PEX7: variants seen among roughly 807,000 people sequenced by gnomAD.
The protein encoded by PEX7 is peroxisomal biogenesis factor 7.
A neutral mutation model predicts 47.5 loss-of-function variants in PEX7; 34 were observed. That is an observed-to-expected ratio of 0.72 (90% confidence interval 0.54 to 0.95). The LOEUF (loss-of-function observed/expected upper bound fraction) is 0.95. Among genes scored for constraint, PEX7 ranks in the 40% least tolerant of loss-of-function variants. The pLI, the probability that PEX7 is intolerant of heterozygous loss-of-function variation, is 0.00. For missense variants in PEX7, 394 were observed against 400.3 expected (o/e 0.98, Z 0.13); for synonymous variants, 141 against 148.8 (o/e 0.95, Z 0.38).
chr6:136,828,522 C>G (rs1330774232), intron 3 of PEX7, among the ~76,000 whole-genome samples: 4 of 152,226 alleles, frequency 2.6e-5, no homozygotes, highest in Admixed American at 2.6e-4. Flanking sequence ...AAGACCAGGT[C>G]CAGCCCCTCT....
intron 6 of PEX7, among the ~76,000 whole-genome samples, chr6:136,868,930 A>G (rs1192601258): frequency 6.6e-6 from 1 of 152,196 alleles, no homozygotes; most frequent in Non-Finnish European, 1.5e-5. Context: ...TAGATATCGT[A>G]TTAAGAATTT....
intron 3 of PEX7, among the ~76,000 whole-genome samples, chr6:136,838,589 A>G (rs551480472): frequency 1.3e-5 from 2 of 152,328 alleles, no homozygotes; most frequent in Admixed American, 1.3e-4. Context: ...AAATATGAAT[A>G]AGGACTGAGT....
At chr6:136,829,975 T>TA (rs1774264445) in intron 3 of PEX7, 1 of 700,234 alleles carries the variant, frequency 1.4e-6, no homozygotes, top group Non-Finnish European at 2.6e-6. Context: ...ATAATGAACA[T>TA]AGCCAATTTC....
rs771872489 is a variant in PEX7, at chr6:136,866,642, G to T, written c.542G>T (p.Arg181Ile). 4 of 1,614,002 alleles carry T rather than the reference G, an allele frequency of 2.5e-6. No homozygotes were observed. The Admixed American group carries it at 6.7e-5, about 27-fold the overall frequency. The change falls in exon 6 of 10, where the codon AGA becomes ATA. Residue 181 changes from arginine to isoleucine, a missense_variant. Arg to Ile is a moderately conservative substitution (Grantham distance 97). Transcript: ENST00000318471. ...FASASGDQTL[R>I]IWDVKAAGVR... Reference sequence around the variant, plus strand: ...TTTTTACTAGGTGATCAGACTCTGAGAATATGGGATGTGAAGGCAGCAGGA... The same window carrying T: ...TTTTTACTAGGTGATCAGACTCTGATAATATGGGATGTGAAGGCAGCAGGA...
At chr6:136,830,463 A>G (rs1774273713) in intron 3 of PEX7, among the ~76,000 whole-genome samples, 1 of 152,210 alleles carries the variant, frequency 6.6e-6, no homozygotes, top group Non-Finnish European at 1.5e-5. Context: ...AAAGAAAGAA[A>G]AACATGGACA....
At chr6:136,883,573 C>T (rs1775413413) in intron 8 of PEX7, among the ~76,000 whole-genome samples, 2 of 152,182 alleles carry the variant, frequency 1.3e-5, no homozygotes, top group Admixed American at 6.5e-5. Context: ...GAATCAGTCT[C>T]CTTCTCTTCC....
At chr6:136,824,458 C>T (rs1774152076) in intron 1 of PEX7, among the ~76,000 whole-genome samples, 2 of 152,110 alleles carry the variant, frequency 1.3e-5, no homozygotes, top group Non-Finnish European at 2.9e-5. Flanking sequence ...CTGCCTTGGC[C>T]TCCCAAAGTG....
chr6:136,848,910 A>G (rs1024469592), intron 5 of PEX7, among the ~76,000 whole-genome samples: 2 of 152,158 alleles, frequency 1.3e-5, no homozygotes, highest in African/African-American at 2.4e-5. Flanking sequence ...TGATTGGAAT[A>G]GTTTCAGAAG....
At chr6:136,861,327 C>A (rs1409752397) in intron 5 of PEX7, among the ~76,000 whole-genome samples, 3 of 152,120 alleles carry the variant, frequency 2.0e-5, no homozygotes, top group African/African-American at 7.2e-5. Context: ...AAACGACCTG[C>A]CTGCCTTGAC....
At chr6:136,852,848 G>A (rs1213697005) in intron 5 of PEX7, among the ~76,000 whole-genome samples, 5 of 84,902 alleles carry the variant, frequency 5.9e-5, no homozygotes, top group Admixed American at 4.3e-4. Context: ...AGCCCGCATC[G>A]CCAAGTCAAT....
At chr6:136,889,672 G>A (rs1436546277) in intron 8 of PEX7, among the ~76,000 whole-genome samples, 2 of 152,178 alleles carry the variant, frequency 1.3e-5, no homozygotes, top group South Asian at 4.1e-4. Context: ...TTTAAATGTA[G>A]ATACTGCTTT....
At chr6:136,885,583 A>G (rs1775455278) in intron 8 of PEX7, among the ~76,000 whole-genome samples, 1 of 152,200 alleles carries the variant, frequency 6.6e-6, no homozygotes, top group Non-Finnish European at 1.5e-5. Flanking sequence ...ATTCAGGCAT[A>G]TTTACAGAAT....
intron 8 of PEX7, among the ~76,000 whole-genome samples, chr6:136,874,791 T>A (rs1775241437): frequency 6.6e-6 from 1 of 152,124 alleles, no homozygotes; most frequent in South Asian, 2.1e-4. Context: ...TATCTAGTGG[T>A]ATGTTTATTT....
intron 5 of PEX7, among the ~76,000 whole-genome samples, chr6:136,852,320 CAGGAGAAGGA>C: frequency 6.8e-6 from 1 of 147,284 alleles, no homozygotes; most frequent in East Asian, 2.0e-4. Context: ...GGCAATCAGG[CAGGAGAAGGA>C]AATAAAGCGT....
At chr6:136,913,388 G>C (rs1392872713) in intron 9 of PEX7, 70 bp from the exon 10 acceptor site, 21 of 1,059,346 alleles carry the variant, frequency 2.0e-5, no homozygotes, top group Middle Eastern at 2.0e-4. Flanking sequence ...AATGACTTGA[G>C]TTTTTGCTGT....
At chr6:136,902,618 T>C (rs1775772085) in intron 9 of PEX7, among the ~76,000 whole-genome samples, 2 of 152,162 alleles carry the variant, frequency 1.3e-5, no homozygotes, top group African/African-American at 4.8e-5. Context: ...AGTTCTGACA[T>C]TTTATCTTTT....
At chr6:136,899,744 G>A (rs1053988081) in intron 9 of PEX7, among the ~76,000 whole-genome samples, 1 of 152,140 alleles carries the variant, frequency 6.6e-6, no homozygotes, top group Non-Finnish European at 1.5e-5. Flanking sequence ...GTATTAGAAT[G>A]TTCCCATTAA....
chr6:136,879,346 A>G (rs1186482622), intron 8 of PEX7, among the ~76,000 whole-genome samples: 1 of 152,188 alleles, frequency 6.6e-6, no homozygotes, highest in Non-Finnish European at 1.5e-5. Flanking sequence ...CATATGTTTA[A>G]AACTATTTTT....
At chr6:136,857,024 A>G (rs1774873283) in intron 5 of PEX7, among the ~76,000 whole-genome samples, 1 of 152,208 alleles carries the variant, frequency 6.6e-6, no homozygotes, top group African/African-American at 2.4e-5. Context: ...TACAAATATT[A>G]GTCTACTTAG....
Sources: gnomAD v4.1 joint callset for allele counts (sites outside exome capture counted in the v4.1 genomes callset) on GRCh38, gnomAD v4.1.1 for gene constraint, MANE v1.5 for transcripts, NCBI Gene and HGNC (gene_info 2026-07-23, HGNC 2026-07-21) for gene names.